Variants in PIP5K1C observed in about 807,000 individuals in gnomAD.
PIP5K1C encodes phosphatidylinositol-4-phosphate 5-kinase type 1 gamma.
Under a neutral mutation model 80.1 loss-of-function variants are expected in PIP5K1C, and 45 were observed. That is an observed-to-expected ratio of 0.56 (90% confidence interval 0.44 to 0.72). PIP5K1C has a LOEUF of 0.72. Among genes scored for constraint, PIP5K1C ranks in the 30% least tolerant of loss-of-function variants. The pLI is 0.00. For missense variants in PIP5K1C, 753 were observed against 954.6 expected, an observed-to-expected ratio of 0.79 and a Z score of 2.78; for synonymous variants, 498 against 420.1, an observed-to-expected ratio of 1.19 and a Z score of -2.27.
At chr19:3,682,236 TG>T in intron 1 of PIP5K1C, among the ~76,000 whole-genome samples, 1 of 151,978 alleles carries the variant, frequency 6.6e-6, no homozygotes, top group East Asian at 1.9e-4. Flanking sequence ...TAGCCAGGCA[TG>T]GGGGTGCGCG....
chr19:3,647,337 C>T lies in PIP5K1C; in HGVS notation c.1260+1G>A. 6.4e-7 allele frequency: 1 copy of T among 1,574,070 alleles called. No homozygotes were observed. Reference sequence around the variant, plus strand: ...AATGGGAGGAGGGTGCAGGCGCTCACCCCATCGTGGACGAGGGCCTTCCAG... The same window carrying T: ...AATGGGAGGAGGGTGCAGGCGCTCATCCCATCGTGGACGAGGGCCTTCCAG... On this transcript the variant is annotated splice_donor_variant, in intron 10 of 17. Coordinates refer to ENST00000335312, the MANE Select transcript of PIP5K1C (RefSeq NM_012398.3). LOFTEE classifies it high-confidence loss of function.
intron 3 of PIP5K1C, among the ~76,000 whole-genome samples, chr19:3,662,276 G>A (rs1243962665): frequency 6.6e-6 from 1 of 152,222 alleles, no homozygotes; most frequent in Non-Finnish European, 1.5e-5. Flanking sequence ...CAGTCCTGTT[G>A]GCTAGCTAGG....
rs1568365996 is a variant in PIP5K1C, at chr19:3,696,707, C to CAGGGAGGGCAGAGTGCGGAGGGGAGGGCA, written c.94+3589_94+3590insTGCCCTCCCCTCCGCACTCTGCCCTCCCT. On this transcript the variant is annotated intron_variant, in intron 1 of 17. Coordinates refer to ENST00000335312, the MANE Select transcript of PIP5K1C (RefSeq NM_012398.3). The surrounding 1 kb of genome is among the most constrained non-coding windows in gnomAD (Gnocchi z 4.1). ...CCATGGGCCTACAGCAGAGTGCAGACGGGAGGGCAGGGAGGGCAGAGTGCG... is the reference window on the plus strand; with the variant it reads ...CCATGGGCCTACAGCAGAGTGCAGACAGGGAGGGCAGAGTGCGGAGGGGAGGGCAGGGAGGGCAGGGAGGGCAGAGTGCG... 9.5e-6 allele frequency among the ~76,000 whole-genome samples: 1 copy of CAGGGAGGGCAGAGTGCGGAGGGGAGGGCA among 105,710 alleles called. No homozygotes were observed. Among genetic ancestry groups the CAGGGAGGGCAGAGTGCGGAGGGGAGGGCA allele is most frequent in the Non-Finnish European group, 2.2e-5 (1 of 45,838 alleles). 69.3% of individuals were successfully genotyped at this position (105,710 alleles called of 152,430 possible).
intron 1 of PIP5K1C, among the ~76,000 whole-genome samples, chr19:3,678,200 A>G (rs1182157640): frequency 1.1e-4 from 9 of 78,640 alleles, no homozygotes; most frequent in African/African-American, 2.0e-4. Context: ...ATGGAGGATG[A>G]AGGGATGGAG....
At chr19:3,666,142 G>T (rs2035000196) in intron 2 of PIP5K1C, among the ~76,000 whole-genome samples, 1 of 152,248 alleles carries the variant, frequency 6.6e-6, no homozygotes, top group Admixed American at 6.5e-5. Flanking sequence ...AGGGTCCCAG[G>T]CCTGGTGGAC....
At chr19:3,642,255 T>C (rs2033993330) in intron 14 of PIP5K1C, among the ~76,000 whole-genome samples, 1 of 152,218 alleles carries the variant, frequency 6.6e-6, no homozygotes, top group Non-Finnish European at 1.5e-5. Context: ...CGGCAGCGAT[T>C]AAAACACGGT....
At chr19:3,677,775 AG>A (rs1200305098) in intron 1 of PIP5K1C, among the ~76,000 whole-genome samples, 6 of 53,326 alleles carry the variant, frequency 1.1e-4, no homozygotes, top group Middle Eastern at 0.012. Flanking sequence ...TGGAGGATGG[AG>A]GGATGGAGGG....
intron 3 of PIP5K1C, among the ~76,000 whole-genome samples, chr19:3,662,518 A>G (rs1281973718): frequency 1.3e-5 from 2 of 152,176 alleles, no homozygotes; most frequent in Admixed American, 1.3e-4. Context: ...GGATGGGCAC[A>G]ATGGTTCTGG....
At chr19:3,647,284 T>C (rs1039735754) in intron 10 of PIP5K1C, 54 bp downstream of exon 10, 1 of 1,458,550 alleles carries the variant, frequency 6.9e-7, no homozygotes, top group African/African-American at 1.6e-5. Context: ...GTGCAGGCAC[T>C]CACAGGAGGA....
chr19:3,655,953 A>T (rs1490694688), intron 6 of PIP5K1C, among the ~76,000 whole-genome samples: 1 of 152,170 alleles, frequency 6.6e-6, no homozygotes, highest in African/African-American at 2.4e-5. Flanking sequence ...GAGCTGCCTC[A>T]CGCCTGCCTG....
intron 16 of PIP5K1C, chr19:3,636,706 T>C: frequency 4.1e-6 from 4 of 986,174 alleles, no homozygotes; most frequent in Non-Finnish European, 4.8e-6. Context: ...CACTCCACAG[T>C]GCCTGGCACA....
In PIP5K1C at chr19:3,645,949, G is replaced by A. The variant is rs12460780; in HGVS notation, c.1345+25C>T. 0.49 allele frequency: 780,656 copies of A among 1,593,176 alleles called. 193,563 individuals are homozygous for A. The highest frequency in any genetic ancestry group is 0.62 in the Admixed American group (37,143 of 60,000). ...CTGGGCCTTCCCCAGGGTCCCTCCC[G>A]CCTTGCGGGGCTCAGGTGGCTTACA... On this transcript the variant is annotated intron_variant, in intron 11 of 17. Transcript: ENST00000335312.
At chr19:3,698,486 C>T (rs1212602877) in intron 1 of PIP5K1C, among the ~76,000 whole-genome samples, 1 of 152,218 alleles carries the variant, frequency 6.6e-6, no homozygotes, top group African/African-American at 2.4e-5. Flanking sequence ...AGATAAAAAG[C>T]AAGCAGTTCA....
intron 7 of PIP5K1C, 60 bp from the exon 8 acceptor site, chr19:3,652,091 T>A (rs1243242863): frequency 6.5e-6 from 10 of 1,539,392 alleles, no homozygotes; most frequent in Admixed American, 1.7e-5. Context: ...CCACAACGGC[T>A]CCCGGACCCT....
intron 1 of PIP5K1C, among the ~76,000 whole-genome samples, chr19:3,684,727 A>T (rs1021239095): frequency 2.6e-5 from 4 of 152,190 alleles, no homozygotes; most frequent in African/African-American, 4.8e-5. Context: ...ACGCACCCAG[A>T]GCGGGACCAC....
intron 3 of PIP5K1C, among the ~76,000 whole-genome samples, chr19:3,662,587 A>G (rs1489361994): frequency 2.0e-5 from 3 of 152,010 alleles, no homozygotes; most frequent in East Asian, 1.9e-4. Context: ...ATTTTTTGAG[A>G]CAGAGTCTTG....
At chr19:3,646,359 G>A (rs556749540) in intron 10 of PIP5K1C, among the ~76,000 whole-genome samples, 34 of 152,278 alleles carry the variant, frequency 2.2e-4, no homozygotes, top group Admixed American at 3.9e-4. Flanking sequence ...AGTGGCCCAC[G>A]TGGACTTGTA....
Position 3,643,378 on chromosome 19 carries a change from CG to C in PIP5K1C, c.1513del (p.Arg505GlyfsTer106). 6.2e-7 allele frequency: 1 copy of C among 1,613,388 alleles called. No homozygotes were observed. ...TGGCGTGCAGGGCAGGAGGTCGGGCCGGCCTGAGGGGAGAGGACTGTGGGCA... is the reference window on the plus strand; with the variant it reads ...TGGCGTGCAGGGCAGGAGGTCGGGCCGCCTGAGGGGAGAGGACTGTGGGCA... ...RSYPTLEDEGRPDLLPCTPPS... is the reference protein window; with the variant it reads ...RSYPTLEDEGXPDLLPCTPPS... On this transcript the variant is annotated frameshift_variant and splice_region_variant, in exon 13 of 18. Transcript: ENST00000335312. LOFTEE classifies it high-confidence loss of function.
chr19:3,675,881 T>C (rs1387267655), intron 1 of PIP5K1C, among the ~76,000 whole-genome samples: 1 of 152,226 alleles, frequency 6.6e-6, no homozygotes, highest in Non-Finnish European at 1.5e-5. Flanking sequence ...TCTCCAGACA[T>C]GGCCCCGTGT....
Sources: allele counts gnomAD v4.1 joint callset (sites outside exome capture counted in the v4.1 genomes callset), GRCh38; gene constraint gnomAD v4.1.1; non-coding constraint Gnocchi (gnomAD v3.1); transcripts MANE v1.5; gene names NCBI Gene and HGNC (gene_info 2026-07-23, HGNC 2026-07-21).